Variants in NPAS2 observed in about 807,000 individuals in gnomAD.
The protein encoded by NPAS2 is neuronal PAS domain-containing protein 2.
Under a neutral mutation model 107.5 loss-of-function variants are expected in NPAS2, and 23 were observed. That is an observed-to-expected ratio of 0.21 (90% CI 0.15 to 0.30). The LOEUF (loss-of-function observed/expected upper bound fraction) is 0.30. Among genes scored for constraint, NPAS2 ranks in the 10% least tolerant of loss-of-function variants. NPAS2 has a pLI of 1.00. For synonymous variants in NPAS2, 403 were observed against 417.5 expected, an observed-to-expected ratio of 0.97 and a Z score of 0.42; for missense variants, 756 against 1,043.3, an observed-to-expected ratio of 0.72 and a Z score of 3.79.
intron 19 of NPAS2, among the ~76,000 whole-genome samples, chr2:100,991,333 G>A (rs561731794): frequency 4.6e-5 from 7 of 152,180 alleles, no homozygotes; most frequent in Non-Finnish European, 1.0e-4. Context: ...CACTAGCACC[G>A]GTAGGACCAG....
At position 100,877,652 on chromosome 2, in the gene NPAS2, C is replaced by T. The variant is rs531833029; in HGVS notation, c.-22-27081C>T. 2.0e-5 allele frequency among the ~76,000 whole-genome samples: 3 copies of T among 152,200 alleles called. No homozygotes were observed. In the South Asian group the frequency reaches 6.2e-4, roughly 32 times the overall value. ...TGAGAGTATCCTGTGAGTGTCATAG[C>T]ACCCATTTTACACAGCACCATGTGC... On this transcript the variant is annotated intron_variant, in intron 1 of 20. Transcript: ENST00000335681.
intron 1 of NPAS2, among the ~76,000 whole-genome samples, chr2:100,882,648 C>T (rs913419101): frequency 6.6e-6 from 1 of 152,084 alleles, no homozygotes; most frequent in South Asian, 2.1e-4. Context: ...ATGGGGTCCC[C>T]GAAAACACAC....
chr2:100,947,183 C>T (rs1010813207), intron 5 of NPAS2, among the ~76,000 whole-genome samples: 2 of 152,180 alleles, frequency 1.3e-5, no homozygotes, highest in African/African-American at 4.8e-5. Context: ...CCTGTCTCCT[C>T]GGTCCACTGT....
intron 1 of NPAS2, among the ~76,000 whole-genome samples, chr2:100,894,765 G>A (rs1486996987): frequency 6.6e-6 from 1 of 152,212 alleles, no homozygotes; most frequent in East Asian, 1.9e-4. Flanking sequence ...AGTCTTTGAT[G>A]TGGGCAGAGC....
At chr2:100,852,008 C>T (rs1678206242) in intron 1 of NPAS2, among the ~76,000 whole-genome samples, 1 of 152,152 alleles carries the variant, frequency 6.6e-6, no homozygotes, top group South Asian at 2.1e-4. Context: ...ATGGTTCTTG[C>T]AATAACCAAA....
intron 1 of NPAS2, among the ~76,000 whole-genome samples, chr2:100,887,253 G>T (rs903147176): frequency 6.6e-6 from 1 of 152,184 alleles, no homozygotes; most frequent in Non-Finnish European, 1.5e-5. Flanking sequence ...CCCTCAAAGC[G>T]TTCCAGCTTC....
At chr2:100,895,970 A>T (rs1258805789) in intron 1 of NPAS2, among the ~76,000 whole-genome samples, 1 of 152,210 alleles carries the variant, frequency 6.6e-6, no homozygotes, top group Non-Finnish European at 1.5e-5. Context: ...TTGAAATTCA[A>T]AGTAGATAAG....
At chr2:100,839,363 A>G (rs1677256704) in intron 1 of NPAS2, among the ~76,000 whole-genome samples, 1 of 152,146 alleles carries the variant, frequency 6.6e-6, no homozygotes. Context: ...TCCTGACCTC[A>G]GGTGATCCAC....
intron 1 of NPAS2, among the ~76,000 whole-genome samples, chr2:100,845,852 A>G (rs549530744): frequency 1.1e-4 from 17 of 152,306 alleles, no homozygotes; most frequent in African/African-American, 4.1e-4. Context: ...CCTGCATGTC[A>G]TCATGCTCCT....
At chr2:100,821,099 G>A (rs6542989) in intron 1 of NPAS2, 282,166 of 1,303,192 alleles carry the variant, frequency 0.22, 38,503 homozygotes, top group African/African-American at 0.61. Context: ...TGACCTTTCT[G>A]AAGAGCTGGG....
In NPAS2 at chr2:100,948,334, C is replaced by G; in HGVS notation, c.463C>G (p.Pro155Ala). ...LSSHMLVTDS[P>A]SPEYLKSDSD... ...TTCCCATATGCTTGTGACGGATTCC[C>G]CCTCCCCAGAATACTTAAAATGTAA... The change falls in exon 6 of 21, where the codon CCC (proline) becomes GCC (alanine). Residue 155 changes from proline to alanine, a missense_variant. Coordinates refer to ENST00000335681, the MANE Select transcript of NPAS2 (RefSeq NM_002518.4). 6.2e-7 allele frequency: 1 copy of G among 1,609,768 alleles called. No homozygotes were observed. Among genetic ancestry groups the G allele is most frequent in the Non-Finnish European group, 8.5e-7 (1 of 1,178,124 alleles).
chr2:100,894,968 T>C (rs1390335898), intron 1 of NPAS2, among the ~76,000 whole-genome samples: 1 of 152,226 alleles, frequency 6.6e-6, no homozygotes, highest in African/African-American at 2.4e-5. Context: ...TCCAGTCTTG[T>C]TGGCAAGGTG....
At chr2:100,850,717 C>T (rs1419037961) in intron 1 of NPAS2, among the ~76,000 whole-genome samples, 6 of 151,944 alleles carry the variant, frequency 3.9e-5, no homozygotes, top group East Asian at 3.9e-4. Flanking sequence ...CTTTAGGAGG[C>T]CGAGGTGGGA....
In NPAS2 at chr2:100,963,589, G is replaced by A. The variant is rs188611707; in HGVS notation, c.599-469G>A. ...AATTTTTGTTTTTGTTTGTTTGTTT[G>A]TTTTTTAGTAGAGATGGGGTTTCAC... On this transcript the variant is annotated intron_variant, in intron 7 of 20. Coordinates refer to ENST00000335681, the MANE Select transcript of NPAS2 (RefSeq NM_002518.4). 2.0e-5 allele frequency among the ~76,000 whole-genome samples: 3 copies of A among 152,150 alleles called. No homozygotes were observed. In the East Asian group the frequency reaches 5.8e-4, roughly 29 times the overall value.
intron 3 of NPAS2, among the ~76,000 whole-genome samples, chr2:100,929,422 G>C (rs1407106352): frequency 6.6e-6 from 1 of 152,212 alleles, no homozygotes; most frequent in Non-Finnish European, 1.5e-5. Flanking sequence ...AGCTGTTCAT[G>C]AGTGTGTCCA....
chr2:100,974,654 AC>A, intron 12 of NPAS2, 148 bp from the exon 13 acceptor site: 1 of 826,056 alleles, frequency 1.2e-6, no homozygotes, highest in Non-Finnish European at 1.9e-6. Flanking sequence ...TATATACTCT[AC>A]CCAAGCATCT....
intron 1 of NPAS2, among the ~76,000 whole-genome samples, chr2:100,867,790 G>T (rs140951462): frequency 2.0e-5 from 3 of 152,000 alleles, no homozygotes; most frequent in Admixed American, 1.3e-4. Context: ...ATCCTCCCTC[G>T]TAGGTCTCCC....
intron 1 of NPAS2, chr2:100,878,638 C>T (rs909425224): frequency 4.1e-6 from 4 of 985,158 alleles, no homozygotes; most frequent in Non-Finnish European, 4.8e-6. Flanking sequence ...ATCAAGGTAA[C>T]TTTGCGGTTT....
intron 7 of NPAS2, among the ~76,000 whole-genome samples, chr2:100,956,316 G>T (rs1675564132): frequency 1.3e-5 from 2 of 152,136 alleles, no homozygotes; most frequent in South Asian, 4.1e-4. Context: ...AGTGAGCACA[G>T]CACCTGACAG....
Sources: gnomAD v4.1 joint callset for allele counts (sites outside exome capture counted in the v4.1 genomes callset) on GRCh38, gnomAD v4.1.1 for gene constraint, MANE v1.5 for transcripts, NCBI Gene and HGNC (gene_info 2026-07-23, HGNC 2026-07-21) for gene names.